EGFLAM: variants seen among roughly 807,000 people sequenced by gnomAD.
EGFLAM encodes EGF like, fibronectin type III and laminin G domains, also known as pikachurin.
EGFLAM carries 79 observed loss-of-function variants against 113.1 expected under a neutral mutation model. The ratio of observed to expected loss-of-function variants is 0.70; its 90% CI spans 0.58 to 0.84. The LOEUF (loss-of-function observed/expected upper bound fraction) is 0.84, where lower values mean the gene tolerates loss of function less well. EGFLAM is among the 40% of genes least tolerant of loss of function. EGFLAM has a pLI of 0.00. For missense variants in EGFLAM, 1,265 were observed against 1,291.6 expected, an observed-to-expected ratio of 0.98 and a Z score of 0.32; for synonymous variants, 504 against 487.6, an observed-to-expected ratio of 1.03 and a Z score of -0.44.
intron 5 of EGFLAM, among the ~76,000 whole-genome samples, chr5:38,361,720 T>G (rs1005001273): frequency 2.6e-5 from 4 of 152,022 alleles, no homozygotes; most frequent in Non-Finnish European, 4.4e-5. Flanking sequence ...CCTCAAACAG[T>G]GAGTTGGACA....
At chr5:38,454,935 A>G (rs1441529365) in intron 19 of EGFLAM, among the ~76,000 whole-genome samples, 1 of 152,166 alleles carries the variant, frequency 6.6e-6, no homozygotes, top group Non-Finnish European at 1.5e-5. Context: ...AAATAAGGAA[A>G]TCAAAGTGCT....
intron 5 of EGFLAM, among the ~76,000 whole-genome samples, chr5:38,357,747 G>A (rs1579815580): frequency 6.6e-6 from 1 of 152,142 alleles, no homozygotes; most frequent in South Asian, 2.1e-4. Flanking sequence ...TGGAAGGTAA[G>A]GTTCCAGTTC....
chr5:38,424,191 C>T (rs1741925595), intron 12 of EGFLAM, among the ~76,000 whole-genome samples: 1 of 152,174 alleles, frequency 6.6e-6, no homozygotes, highest in Non-Finnish European at 1.5e-5. Flanking sequence ...AAAAACAGCC[C>T]ATGAAAAGTC....
chr5:38,362,595 T>G lies in EGFLAM; in HGVS notation c.546-7701T>G, dbSNP rs530803759. Among the ~76,000 whole-genome samples the G allele has an allele frequency of 8.5e-5, 13 of 152,340 alleles. No homozygotes were observed. In the South Asian group the frequency reaches 2.7e-3, roughly 32 times the overall value. On this transcript the variant is annotated intron_variant, in intron 5 of 21. Transcript: ENST00000322350. ...CTTTCATTACCATCAGCAATAGAAT[T>G]AGATATAAGCAAGAATGAGCTTGCT...
Position 38,435,245 on chromosome 5 carries a change from A to G in EGFLAM, c.2275A>G (p.Ile759Val). The change falls in exon 16 of 22, where the codon ATC becomes GTC. Residue 759 changes from isoleucine to valine, a missense_variant. Coordinates refer to ENST00000322350, the MANE Select transcript of EGFLAM (RefSeq NM_152403.4). ...TGTCCTGAAGCCTTTCAGCGGGAGC[A>G]TCCAGAAGGTACAGGCATCTCTTCC... ...SGVLKPFSGS[I>V]QKIILNDRTI... is the part of the protein sequence containing the mutation. 6.2e-7 allele frequency: 1 copy of G among 1,613,576 alleles called. No homozygotes were observed. The highest frequency in any genetic ancestry group is 8.5e-7 in the Non-Finnish European group (1 of 1,179,474).
intron 5 of EGFLAM, among the ~76,000 whole-genome samples, chr5:38,357,089 C>G (rs1308195806): frequency 6.6e-6 from 1 of 152,160 alleles, no homozygotes; most frequent in African/African-American, 2.4e-5. Flanking sequence ...AGACCCTCAG[C>G]CTGGGCAACA....
chr5:38,442,158 A>T (rs1182690193), intron 17 of EGFLAM, among the ~76,000 whole-genome samples: 1 of 152,034 alleles, frequency 6.6e-6, no homozygotes, highest in African/African-American at 2.4e-5. Context: ...ATATATATAA[A>T]AAAAGCTTCT....
intron 6 of EGFLAM, among the ~76,000 whole-genome samples, chr5:38,393,696 C>T (rs550941222): frequency 2.0e-5 from 3 of 152,244 alleles, no homozygotes; most frequent in African/African-American, 4.8e-5. Context: ...CCAGAGCGAA[C>T]GAATGCTGGC....
At chr5:38,375,008 T>G (rs1740325921) in intron 6 of EGFLAM, among the ~76,000 whole-genome samples, 1 of 152,000 alleles carries the variant, frequency 6.6e-6, no homozygotes, top group East Asian at 1.9e-4. Context: ...TTCAGAGGCG[T>G]GATTTGAAAA....
intron 9 of EGFLAM, among the ~76,000 whole-genome samples, chr5:38,408,486 C>T (rs1302689301): frequency 3.3e-5 from 5 of 152,134 alleles, no homozygotes; most frequent in African/African-American, 1.2e-4. Flanking sequence ...CATTTGAAGT[C>T]ATGGCCACAG....
At chr5:38,279,107 T>C (rs1367133420) in intron 1 of EGFLAM, among the ~76,000 whole-genome samples, 2 of 151,960 alleles carry the variant, frequency 1.3e-5, no homozygotes, top group South Asian at 2.1e-4. Flanking sequence ...AACAGGAATA[T>C]GAAAAAATGC....
intron 14 of EGFLAM, among the ~76,000 whole-genome samples, chr5:38,429,334 G>C (rs2112201037): frequency 6.6e-6 from 1 of 152,306 alleles, no homozygotes; most frequent in Middle Eastern, 3.4e-3. Flanking sequence ...ATTTAGCCAA[G>C]GTGATTAAAT....
chr5:38,268,206 GGT>G (rs770445626), intron 1 of EGFLAM, among the ~76,000 whole-genome samples: 4 of 152,090 alleles, frequency 2.6e-5, no homozygotes, highest in African/African-American at 4.8e-5. Context: ...TCCAAATCTG[GGT>G]GGCTTGACAC....
At chr5:38,400,709 C>T (rs182571592) in intron 6 of EGFLAM, among the ~76,000 whole-genome samples, 55 of 152,226 alleles carry the variant, frequency 3.6e-4, no homozygotes, top group Admixed American at 1.0e-3. Context: ...TGACTATTAT[C>T]CTGGATTATT....
intron 5 of EGFLAM, among the ~76,000 whole-genome samples, chr5:38,362,070 A>G (rs1170830682): frequency 6.6e-6 from 1 of 152,146 alleles, no homozygotes; most frequent in African/African-American, 2.4e-5. Flanking sequence ...GACCTCACCC[A>G]CTACAGAAAT....
At chr5:38,447,112 T>C (rs1292537288) in intron 17 of EGFLAM, among the ~76,000 whole-genome samples, 1 of 152,220 alleles carries the variant, frequency 6.6e-6, no homozygotes, top group Non-Finnish European at 1.5e-5. Flanking sequence ...TGCTGTTATT[T>C]CTCCAGCAGA....
intron 6 of EGFLAM, among the ~76,000 whole-genome samples, chr5:38,373,453 C>T (rs561166296): frequency 6.6e-6 from 1 of 152,310 alleles, no homozygotes; most frequent in East Asian, 1.9e-4. Context: ...TCTCTCATTT[C>T]CATCTTTATG....
chr5:38,397,820 C>T (rs1003806859), intron 6 of EGFLAM, among the ~76,000 whole-genome samples: 3 of 151,662 alleles, frequency 2.0e-5, no homozygotes, highest in African/African-American at 7.3e-5. Context: ...ACTTAAAAAT[C>T]CAGTATTTAG....
chr5:38,319,913 C>T (rs766095177), intron 1 of EGFLAM, among the ~76,000 whole-genome samples: 2 of 152,332 alleles, frequency 1.3e-5, no homozygotes, highest in African/African-American at 4.8e-5. Flanking sequence ...TTGACTCAGA[C>T]ATTTAGAGAT....
Sources: gnomAD v4.1 joint callset for allele counts (sites outside exome capture counted in the v4.1 genomes callset) on GRCh38, gnomAD v4.1.1 for gene constraint, MANE v1.5 for transcripts, NCBI Gene and HGNC (gene_info 2026-07-23, HGNC 2026-07-21) for gene names.